Variants in SYNE2 observed in about 807,000 individuals in gnomAD.
SYNE2 encodes nesprin-2.
In SYNE2, 431 loss-of-function variants were observed where a neutral mutation model predicts 856.3. The observed-to-expected ratio is 0.50, with a 90% CI of 0.47 to 0.55. SYNE2 has a LOEUF of 0.55. Among genes scored for constraint, SYNE2 ranks in the 20% least tolerant of loss-of-function variants. SYNE2 has a pLI of 0.00. For synonymous variants in SYNE2, 2,923 were observed against 2,872.3 expected, an observed-to-expected ratio of 1.02 and a Z score of -0.56; for missense variants, 8,129 against 8,023.2, an observed-to-expected ratio of 1.01 and a Z score of -0.50.
intron 1 of SYNE2, among the ~76,000 whole-genome samples, chr14:63,833,574 T>C (rs947816023): frequency 2.0e-5 from 3 of 152,208 alleles, no homozygotes; most frequent in Non-Finnish European, 4.4e-5. Context: ...TCTTCTCTAA[T>C]ATACTGTTTA....
Position 64,216,344 on chromosome 14 carries a change from C to T in SYNE2, c.19499C>T (p.Pro6500Leu), listed in dbSNP as rs752784472. 2 of 1,614,112 alleles carry T rather than the reference C, an allele frequency of 1.2e-6. No homozygotes were observed. The highest frequency in any genetic ancestry group is 1.1e-5 in the South Asian group (1 of 91,088). ...CAAATGGAAGGTGACAGGAATGTTC[C>T]ACCTGTTCCCCCTGCGTCCAGCACC... ...YKQMEGDRNV[P>L]PVPPASSTPY... Residue 6500 changes from proline to leucine, a missense_variant, in exon 108 of 116, where the codon CCA (proline) becomes CTA (leucine). By Grantham distance (98) the Pro-to-Leu change is moderately conservative. Around this residue, in one of 3 missense-constraint regions of SYNE2, gnomAD observed 5,410 missense variants for 5,284.8 expected, o/e 1.02. Coordinates refer to ENST00000555002, the MANE Select transcript of SYNE2 (RefSeq NM_182914.3).
intron 65 of SYNE2, among the ~76,000 whole-genome samples, chr14:64,111,029 G>A (rs1216551806): frequency 2.0e-5 from 3 of 151,996 alleles, no homozygotes; most frequent in Non-Finnish European, 4.4e-5. Flanking sequence ...TTAATTTGGT[G>A]AGTTCATGAG....
chr14:64,090,962 C>A lies in SYNE2; in HGVS notation c.11890C>A (p.Leu3964Met). The A allele has an allele frequency of 6.2e-7, 1 of 1,614,104 alleles. No homozygotes were observed. The part of the protein sequence containing the change: ...LRLPQTGMKP[L>M]PVFQRTNQLL... ...GTTGCCCCAAACAGGAATGAAACCTCTGCCTGTGTTTCAGCGGACAAATCA... is the reference window on the plus strand; with the variant it reads ...GTTGCCCCAAACAGGAATGAAACCTATGCCTGTGTTTCAGCGGACAAATCA... Residue 3964 changes from leucine to methionine, a missense_variant, in exon 60 of 116, where the codon CTG becomes ATG. Leu to Met is a conservative substitution (Grantham distance 15). Coordinates refer to ENST00000555002, the MANE Select transcript of SYNE2 (RefSeq NM_182914.3).
At chr14:64,144,484 A>G (rs924269414) in intron 83 of SYNE2, among the ~76,000 whole-genome samples, 3 of 152,236 alleles carry the variant, frequency 2.0e-5, no homozygotes, top group African/African-American at 7.2e-5. Flanking sequence ...AGATACAAGT[A>G]CATGAATGGA....
chr14:63,778,934 ATG>A (rs879612369), intron 1 of SYNE2, among the ~76,000 whole-genome samples: 76,038 of 132,594 alleles, frequency 0.57, 20,748 homozygotes, highest in South Asian at 0.71. Context: ...AAAGTAGCTC[ATG>A]GCTATGAGCC....
chr14:64,015,291 G>T (rs1421221461), intron 32 of SYNE2, among the ~76,000 whole-genome samples: 2 of 151,416 alleles, frequency 1.3e-5, no homozygotes, highest in African/African-American at 2.4e-5. Context: ...TTAGATGTTT[G>T]GTCAAATTCT....
chr14:63,961,030 G>A (rs2096306672), intron 8 of SYNE2, among the ~76,000 whole-genome samples: 1 of 152,212 alleles, frequency 6.6e-6, no homozygotes, highest in African/African-American at 2.4e-5. Context: ...TTCCATGAAT[G>A]AATGAACAAA....
chr14:64,163,978 G>A (rs1005693805), intron 89 of SYNE2, among the ~76,000 whole-genome samples: 1 of 152,010 alleles, frequency 6.6e-6, no homozygotes, highest in Non-Finnish European at 1.5e-5. Context: ...AGAGTGCAGT[G>A]GCATAATCTT....
In SYNE2 at chr14:64,101,943, G is replaced by A. The variant is rs750050174; in HGVS notation, c.12393G>A (p.Glu4131=). ...ESSVKSDNGD[E]KAEPSPQSWS... ...GTTTACTGTGATAGAATGGAGATGA[G>A]AAGGCAGAGCCATCGCCTCAGTCTT... Residue 4131 remains glutamate (E), a synonymous_variant, in exon 64 of 116, where the codon GAG becomes GAA. Transcript: ENST00000555002. 2 of 1,613,398 alleles carry A rather than the reference G, an allele frequency of 1.2e-6. No individual in the cohort carries two copies. Among genetic ancestry groups the A allele is most frequent in the Non-Finnish European group, 8.5e-7 (1 of 1,179,364 alleles).
chr14:63,928,748 A>G (rs908132268), intron 2 of SYNE2, among the ~76,000 whole-genome samples: 2 of 152,196 alleles, frequency 1.3e-5, no homozygotes, highest in African/African-American at 4.8e-5. Context: ...TTTCTGTCAG[A>G]TGACAGCTTG....
chr14:64,056,673 CTTT>C (rs34164335), intron 49 of SYNE2, among the ~76,000 whole-genome samples: 5 of 145,134 alleles, frequency 3.4e-5, no homozygotes, highest in Non-Finnish European at 3.0e-5. Flanking sequence ...TTTTGTTGTA[CTTT>C]TTTTTTTTTT....
intron 88 of SYNE2, 30 bp downstream of exon 88, chr14:64,162,306 G>A (rs751126961): frequency 6.2e-7 from 1 of 1,610,368 alleles, no homozygotes; most frequent in East Asian, 2.2e-5. Context: ...GGAAAACCAA[G>A]GCCAAGTCAG....
At chr14:64,182,703 G>A (rs921545811) in intron 96 of SYNE2, among the ~76,000 whole-genome samples, 2 of 152,184 alleles carry the variant, frequency 1.3e-5, no homozygotes, top group African/African-American at 2.4e-5. Flanking sequence ...CATGGGGTTG[G>A]GGGTAAGGTC....
At chr14:63,801,566 C>T (rs1268316075) in intron 1 of SYNE2, among the ~76,000 whole-genome samples, 1 of 152,044 alleles carries the variant, frequency 6.6e-6, no homozygotes, top group African/African-American at 2.4e-5. Context: ...GTAATCCCAG[C>T]TACTCAGGAG....
intron 49 of SYNE2, among the ~76,000 whole-genome samples, chr14:64,062,111 A>G (rs1393668716): frequency 2.6e-5 from 4 of 152,158 alleles, no homozygotes; most frequent in African/African-American, 4.8e-5. Context: ...TATATATAAA[A>G]TATCAAATAT....
intron 65 of SYNE2, among the ~76,000 whole-genome samples, chr14:64,112,602 A>G (rs1205478139): frequency 6.6e-6 from 1 of 152,216 alleles, no homozygotes; most frequent in African/African-American, 2.4e-5. Flanking sequence ...AGTTATTTCA[A>G]TGTAAAAAGA....
chr14:64,133,150 G>C (rs1185246980), intron 77 of SYNE2, among the ~76,000 whole-genome samples: 1 of 151,758 alleles, frequency 6.6e-6, no homozygotes, highest in Admixed American at 6.6e-5. Flanking sequence ...ACCTTGCAGT[G>C]AGCCTAGATT....
chr14:63,761,889 G>T, upstream of SYNE2: 1 of 214,020 alleles, frequency 4.7e-6, no homozygotes, highest in Non-Finnish European at 9.8e-6. Flanking sequence ...CCCGAGCGGC[G>T]GCGGCAGCTG....
chr14:64,175,775 G>C (rs1369772203), intron 95 of SYNE2, among the ~76,000 whole-genome samples: 1 of 151,924 alleles, frequency 6.6e-6, no homozygotes, highest in East Asian at 1.9e-4. Context: ...CTAGTCTGTC[G>C]TGTGTGCCAA....
Sources: gnomAD v4.1 joint callset for allele counts (sites outside exome capture counted in the v4.1 genomes callset) on GRCh38, gnomAD v4.1.1 for gene constraint, gnomAD v4.1.1 regional missense constraint, MANE v1.5 for transcripts, NCBI Gene and HGNC (gene_info 2026-07-23, HGNC 2026-07-21) for gene names.